USP32: variants seen among roughly 807,000 people sequenced by gnomAD.
USP32 encodes ubiquitin carboxyl-terminal hydrolase 32.
USP32 carries 59 observed loss-of-function variants against 204.8 expected under a neutral mutation model. That is an observed-to-expected ratio of 0.29 (90% CI 0.23 to 0.36). USP32 has a LOEUF of 0.36. USP32 is among the 10% of genes least tolerant of loss of function. The pLI is 1.00. For synonymous variants in USP32, 517 were observed against 678.4 expected (o/e 0.76, Z 3.70); for missense variants, 1,160 against 1,946.4 (o/e 0.60, Z 7.60).
chr17:60,203,088 C>A (rs1422616543), intron 26 of USP32, among the ~76,000 whole-genome samples: 1 of 147,724 alleles, frequency 6.8e-6, no homozygotes, highest in Non-Finnish European at 1.5e-5. Flanking sequence ...TAGTTTCAGA[C>A]TTCTGGCCTC....
intron 8 of USP32, 77 bp downstream of exon 8, chr17:60,265,899 G>T: frequency 8.8e-7 from 1 of 1,134,154 alleles, no homozygotes; most frequent in South Asian, 1.4e-5. Context: ...ATTATTTTAT[G>T]CTTTTAAAGA....
chr17:60,368,422 A>G (rs2146078807), intron 1 of USP32, among the ~76,000 whole-genome samples: 2 of 152,298 alleles, frequency 1.3e-5, no homozygotes, highest in African/African-American at 4.8e-5. Context: ...AGAAATCCCA[A>G]TATAAACATT....
intron 1 of USP32, among the ~76,000 whole-genome samples, chr17:60,400,435 A>G (rs897921547): frequency 6.6e-6 from 1 of 152,202 alleles, no homozygotes; most frequent in African/African-American, 2.4e-5. Context: ...ATTTTGAAAG[A>G]ACAGCCAACA....
At chr17:60,210,647 T>A (rs116983245) in intron 21 of USP32, among the ~76,000 whole-genome samples, 8,925 of 152,122 alleles carry the variant, frequency 0.059, 202 homozygotes, top group East Asian at 0.11. Flanking sequence ...CTTAGTTACG[T>A]TGAAAATGGA....
rs568031593 is a variant in USP32, at chr17:60,422,331, T to G, written c.21A>C (p.Arg7Ser). 88 of 781,306 alleles carry G rather than the reference T, an allele frequency of 1.1e-4. No individual in the cohort carries two copies. In the African/African-American group the frequency reaches 1.5e-3, roughly 13 times the overall value. 48.4% of individuals were successfully genotyped at this position (781,306 alleles called of 1,614,324 possible). A position where few individuals can be genotyped will look rare whatever the true frequency, so the allele number is the denominator to read the frequency against. ...TGGCCTGCTGTGCGCTCTGCCAAAG[T>G]CTTCGCTCGACCCCGCACATCTTGC... Residue 7 changes from arginine (R) to serine (S), a missense_variant, in exon 1 of 4, where the codon AGA becomes AGC. By Grantham distance (110) the Arg-to-Ser change is moderately radical. Coordinates refer to the USP32 transcript ENST00000588898.
intron 1 of USP32, among the ~76,000 whole-genome samples, chr17:60,381,285 T>TA (rs2089642058): frequency 6.6e-6 from 1 of 151,598 alleles, no homozygotes; most frequent in Admixed American, 6.6e-5. Flanking sequence ...TACAACAAAA[T>TA]AAAAAAATTA....
chr17:60,379,737 G>A (rs538202917), intron 1 of USP32, among the ~76,000 whole-genome samples: 10 of 152,248 alleles, frequency 6.6e-5, no homozygotes, highest in South Asian at 4.1e-4. Context: ...GTTACTTAAC[G>A]TTCAGAAGAC....
chr17:60,357,624 T>G (rs1179643830), intron 1 of USP32, among the ~76,000 whole-genome samples: 1 of 152,188 alleles, frequency 6.6e-6, no homozygotes, highest in Non-Finnish European at 1.5e-5. Flanking sequence ...AGGACAAAAA[T>G]GTCCTAAGGG....
chr17:60,313,240 G>A (rs1015444346), intron 2 of USP32, among the ~76,000 whole-genome samples: 1 of 149,056 alleles, frequency 6.7e-6, no homozygotes, highest in Non-Finnish European at 1.5e-5. Flanking sequence ...GACAGAGTGA[G>A]ACTCTGTCTC....
At chr17:60,277,246 A>G (rs1171719473) in intron 5 of USP32, among the ~76,000 whole-genome samples, 1 of 152,178 alleles carries the variant, frequency 6.6e-6, no homozygotes. Flanking sequence ...CATCCTAATC[A>G]GGTCTCACCT....
intron 1 of USP32, among the ~76,000 whole-genome samples, chr17:60,366,190 G>A (rs2146071934): frequency 6.7e-6 from 1 of 150,024 alleles, no homozygotes; most frequent in African/African-American, 2.5e-5. Context: ...ACGGAGTCTT[G>A]CTCTGTCGCC....
intron 2 of USP32, among the ~76,000 whole-genome samples, chr17:60,303,998 A>T (rs1283743745): frequency 6.6e-6 from 1 of 152,122 alleles, no homozygotes; most frequent in Admixed American, 6.5e-5. Context: ...CAAAATAAAT[A>T]TCTGAGGAGA....
upstream of USP32, among the ~76,000 whole-genome samples, chr17:60,393,870 G>C (rs2089877606): frequency 6.6e-6 from 1 of 152,056 alleles, no homozygotes; most frequent in Non-Finnish European, 1.5e-5. Flanking sequence ...TTTCAGTAGA[G>C]ACAGGGTTTC....
At chr17:60,302,285 G>A (rs993805418) in intron 2 of USP32, among the ~76,000 whole-genome samples, 2 of 151,922 alleles carry the variant, frequency 1.3e-5, no homozygotes, top group Non-Finnish European at 2.9e-5. Context: ...CAGGCCACTT[G>A]GGATTACATG....
intron 1 of USP32, among the ~76,000 whole-genome samples, chr17:60,420,701 C>G (rs1453784500): frequency 6.6e-6 from 1 of 152,094 alleles, no homozygotes; most frequent in Non-Finnish European, 1.5e-5. Context: ...AAAAAAACCT[C>G]TTTCCTGACT....
intron 16 of USP32, among the ~76,000 whole-genome samples, chr17:60,219,120 ACT>A (rs1466511324): frequency 6.6e-5 from 10 of 152,122 alleles, no homozygotes; most frequent in African/African-American, 1.4e-4. Context: ...TTTGCTCTGT[ACT>A]CTCTGTCTCT....
At position 60,181,304 on chromosome 17, in the gene USP32, C is replaced by T. The variant is rs1457400236; in HGVS notation, c.4548+20G>A. 1 of 1,596,644 alleles carries T rather than the reference C, an allele frequency of 6.3e-7. No homozygotes were observed. The highest frequency in any genetic ancestry group is 1.1e-5 in the South Asian group (1 of 88,932). On this transcript the variant is annotated intron_variant, in intron 32 of 33. Transcript: ENST00000300896. ...CAAAACACAGACCACTCTCTGAAAACCATATAATAAACCACTTACCGAAAT... is the reference window on the plus strand; with the variant it reads ...CAAAACACAGACCACTCTCTGAAAATCATATAATAAACCACTTACCGAAAT...
intron 1 of USP32, among the ~76,000 whole-genome samples, chr17:60,400,975 T>G (rs2089930532): frequency 1.3e-5 from 2 of 151,870 alleles, no homozygotes; most frequent in South Asian, 4.1e-4. Flanking sequence ...CTGGCCAACA[T>G]AGCAAAACCC....
intron 24 of USP32, 164 bp downstream of exon 24, chr17:60,207,895 G>A: frequency 7.9e-7 from 1 of 1,259,526 alleles, no homozygotes; most frequent in Non-Finnish European, 1.1e-6. Context: ...AAACTCTTAA[G>A]TTTCTGGGTT....
Sources: gnomAD v4.1 joint callset for allele counts (sites outside exome capture counted in the v4.1 genomes callset) on GRCh38, gnomAD v4.1.1 for gene constraint, MANE v1.5 for transcripts, NCBI Gene and HGNC (gene_info 2026-07-23, HGNC 2026-07-21) for gene names.